STK32C: variants seen among roughly 807,000 people sequenced by gnomAD.
The protein encoded by STK32C is serine/threonine-protein kinase 32C.
In STK32C, 31 loss-of-function variants were observed where a neutral mutation model predicts 56.5. The observed-to-expected ratio is 0.55, with a 90% CI of 0.41 to 0.74. The LOEUF is 0.74. Among genes scored for constraint, STK32C ranks in the 30% least tolerant of loss-of-function variants. The pLI is 0.00. For missense variants in STK32C, 544 were observed against 676.9 expected, an observed-to-expected ratio of 0.80 and a Z score of 2.18; for synonymous variants, 309 against 289.4, an observed-to-expected ratio of 1.07 and a Z score of -0.69.
downstream of STK32C, among the ~76,000 whole-genome samples, chr10:132,322,255 G>C (rs2066424867): frequency 6.6e-6 from 1 of 152,108 alleles, no homozygotes; most frequent in Non-Finnish European, 1.5e-5. Flanking sequence ...TACTATAAAT[G>C]TATCTCTATC....
In STK32C at chr10:132,278,262, T is replaced by C. The variant is rs375200494; in HGVS notation, c.262+29310A>G. ...ACCCAGCAAAGACCCACACATGCCA[T>C]GCCCCGCACATGCCATGCCTCCGTG... On this transcript the variant is annotated intron_variant, in intron 1 of 11. Transcript: ENST00000298630. Among the ~76,000 whole-genome samples the C allele has an allele frequency of 1.1e-4, 17 of 152,068 alleles. No individual in the cohort carries two copies. In the East Asian group the frequency reaches 1.2e-3, roughly 10 times the overall value.
At chr10:132,271,863 G>A (rs1026224375) in intron 1 of STK32C, among the ~76,000 whole-genome samples, 5 of 152,196 alleles carry the variant, frequency 3.3e-5, no homozygotes, top group African/African-American at 7.2e-5. Flanking sequence ...TCAGAGCCAC[G>A]GCCCTGCCCC....
At chr10:132,233,764 G>A (rs1187923856) in intron 2 of STK32C, among the ~76,000 whole-genome samples, 1 of 152,236 alleles carries the variant, frequency 6.6e-6, no homozygotes, top group Non-Finnish European at 1.5e-5. Context: ...CCCAGGGGAC[G>A]GAGCTACCTC....
intron 2 of STK32C, among the ~76,000 whole-genome samples, chr10:132,235,945 C>G (rs998623601): frequency 1.3e-5 from 2 of 152,212 alleles, no homozygotes; most frequent in Non-Finnish European, 1.5e-5. Flanking sequence ...ATGACACACT[C>G]TCTGGAATTC....
intron 1 of STK32C, among the ~76,000 whole-genome samples, chr10:132,300,000 C>T (rs1303654810): frequency 6.6e-6 from 1 of 152,208 alleles, no homozygotes; most frequent in Non-Finnish European, 1.5e-5. Flanking sequence ...TGCTCACATC[C>T]CAGCATCGTG....
chr10:132,316,971 C>G (rs1206872497), intron 1 of STK32C, among the ~76,000 whole-genome samples: 2 of 148,082 alleles, frequency 1.4e-5, no homozygotes, highest in East Asian at 2.0e-4. Flanking sequence ...CCACTGCACT[C>G]CAGCCTGGGA....
rs1278651280 is a variant in STK32C at position 132,307,930 on chromosome 10, G to C, written c.-97C>G. On this transcript the variant is annotated 5_prime_UTR_variant, in exon 1 of 12. Coordinates refer to ENST00000298630, the MANE Select transcript of STK32C (RefSeq NM_173575.4). This position sits in a 1 kb window ranked among gnomAD's most constrained non-coding sequence, Gnocchi z 4.4. ...GTAGCGGGAGCGCTCGGGGCCGGCA[G>C]CGCCCGCCGTGCGCTCTTCTGGGCG... 1 of 1,074,076 alleles carries C rather than the reference G, an allele frequency of 9.3e-7. No homozygotes were observed. The highest frequency in any genetic ancestry group is 5.9e-5 in the Admixed American group (1 of 16,970). The allele number at this position is 1,074,076 out of a possible 1,614,324, so 66.5% of individuals were successfully genotyped here. A position where few individuals can be genotyped will look rare whatever the true frequency, so the allele number is the denominator to read the frequency against.
downstream of STK32C, among the ~76,000 whole-genome samples, chr10:132,322,391 T>C (rs1451012848): frequency 6.6e-6 from 1 of 152,192 alleles, no homozygotes; most frequent in Non-Finnish European, 1.5e-5. Context: ...TTAATTTTCT[T>C]TATGGTATCT....
At chr10:132,310,495 TG>T (rs1390257192), upstream of STK32C, among the ~76,000 whole-genome samples, 3 of 152,140 alleles carry the variant, frequency 2.0e-5, no homozygotes, top group Admixed American at 2.0e-4. This position sits in a 1 kb window ranked among gnomAD's most constrained non-coding sequence, Gnocchi z 4.6. Context: ...CCCAAGAGGA[TG>T]CCAACCCCTG....
chr10:132,320,097 A>C (rs1398767396), downstream of STK32C, among the ~76,000 whole-genome samples: 2 of 152,122 alleles, frequency 1.3e-5, no homozygotes, highest in Non-Finnish European at 2.9e-5. Flanking sequence ...AAGCCAAGAA[A>C]AACTAGATGG....
chr10:132,267,108 G>A (rs1038783311), intron 1 of STK32C, among the ~76,000 whole-genome samples: 14 of 152,202 alleles, frequency 9.2e-5, no homozygotes, highest in African/African-American at 2.7e-4. Flanking sequence ...AGGCTTCCCC[G>A]GCCCTGCTCC....
intron 1 of STK32C, among the ~76,000 whole-genome samples, chr10:132,259,067 G>A (rs527504296): frequency 8.0e-6 from 1 of 125,780 alleles, no homozygotes; most frequent in South Asian, 3.0e-4. Flanking sequence ...TGGGGGCATG[G>A]ACAGGGCTGT....
At chr10:132,252,879 C>T (rs905452266) in intron 1 of STK32C, among the ~76,000 whole-genome samples, 2 of 152,190 alleles carry the variant, frequency 1.3e-5, no homozygotes, top group Non-Finnish European at 2.9e-5. Context: ...GGGGCCGCCT[C>T]CTCCCAGGTC....
intron 1 of STK32C, among the ~76,000 whole-genome samples, chr10:132,315,041 G>A (rs1254023895): frequency 6.6e-6 from 1 of 152,224 alleles, no homozygotes; most frequent in Non-Finnish European, 1.5e-5. Flanking sequence ...GGCTGAGACA[G>A]GAGAATCATT....
chr10:132,208,724 G>T (rs918929060), intron 11 of STK32C, among the ~76,000 whole-genome samples: 5 of 152,114 alleles, frequency 3.3e-5, no homozygotes, highest in Non-Finnish European at 7.4e-5. Flanking sequence ...GACTGAGGGC[G>T]TGCCTGGGTG....
At chr10:132,274,983 G>C (rs961554692) in intron 1 of STK32C, among the ~76,000 whole-genome samples, 4 of 152,318 alleles carry the variant, frequency 2.6e-5, no homozygotes, top group Non-Finnish European at 4.4e-5. Flanking sequence ...CAGGGACCGA[G>C]AACCCTGTGC....
chr10:132,236,192 CT>C (rs1444791902), intron 2 of STK32C, among the ~76,000 whole-genome samples: 1 of 152,222 alleles, frequency 6.6e-6, no homozygotes, highest in Admixed American at 6.5e-5. Flanking sequence ...GAAAGGACCC[CT>C]GGCCCCTTCC....
intron 1 of STK32C, among the ~76,000 whole-genome samples, chr10:132,253,486 G>A (rs1307978177): frequency 2.9e-5 from 4 of 137,240 alleles, no homozygotes; most frequent in Admixed American, 7.0e-5. Context: ...AGTCGAGGGA[G>A]CTGGAGGGAG....
At chr10:132,268,200 C>A (rs1245713740) in intron 1 of STK32C, among the ~76,000 whole-genome samples, 1 of 101,746 alleles carries the variant, frequency 9.8e-6, no homozygotes, top group South Asian at 3.4e-4. Context: ...CAGCTCTATG[C>A]CTGTGTGCAT....
Sources: allele counts gnomAD v4.1 joint callset (sites outside exome capture counted in the v4.1 genomes callset), GRCh38; gene constraint gnomAD v4.1.1; non-coding constraint Gnocchi (gnomAD v3.1); transcripts MANE v1.5; gene names NCBI Gene and HGNC (gene_info 2026-07-23, HGNC 2026-07-21).